Variants in WWP2 observed in about 807,000 individuals in gnomAD.
WWP2 encodes NEDD4-like E3 ubiquitin-protein ligase WWP2.
WWP2 carries 57 observed loss-of-function variants against 121.0 expected under a neutral mutation model. The ratio of observed to expected loss-of-function variants is 0.47; its 90% confidence interval spans 0.38 to 0.59. The LOEUF (loss-of-function observed/expected upper bound fraction) is 0.59. WWP2 is among the 20% of genes least tolerant of loss of function. WWP2 has a pLI of 0.00. For missense variants in WWP2, 962 were observed against 1,158.9 expected, an observed-to-expected ratio of 0.83 and a Z score of 2.47; for synonymous variants, 449 against 441.3, an observed-to-expected ratio of 1.02 and a Z score of -0.22.
chr16:69,873,458 G>T (rs1462217511), intron 7 of WWP2, among the ~76,000 whole-genome samples: 4 of 152,218 alleles, frequency 2.6e-5, no homozygotes, highest in Non-Finnish European at 4.4e-5. Context: ...CCTGAGCCTT[G>T]GGGAAGAGGA....
At chr16:69,938,956 G>A (rs2058838685) in intron 21 of WWP2, 71 bp from the exon 22 acceptor site, 3 of 1,431,756 alleles carry the variant, frequency 2.1e-6, no homozygotes, top group Non-Finnish European at 2.9e-6. Context: ...CTGAGCTAGA[G>A]AGCTCCACGT....
intron 4 of WWP2, among the ~76,000 whole-genome samples, chr16:69,805,313 G>A (rs957891539): frequency 1.3e-5 from 2 of 152,076 alleles, no homozygotes; most frequent in African/African-American, 4.8e-5. Context: ...TGGGATTACA[G>A]ACGTGAGTCA....
chr16:69,808,663 A>G (rs1191124974), intron 4 of WWP2, among the ~76,000 whole-genome samples: 1 of 152,168 alleles, frequency 6.6e-6, no homozygotes, highest in Non-Finnish European at 1.5e-5. Flanking sequence ...CGGCCTCCCA[A>G]AGTGTTGGGA....
chr16:69,799,053 G>A lies in WWP2; in HGVS notation c.219-121G>A. ...AGCTTTGAGAGGGGAAAGGATATAT[G>A]TGGGTGTCTGCCTGTTTTGGTTCCC... On this transcript the variant is annotated intron_variant, in intron 3 of 23. Transcript: ENST00000359154. The surrounding 1 kb of genome is among the most constrained non-coding windows in gnomAD (Gnocchi z 4.5). The A allele has an allele frequency of 6.9e-7, 1 of 1,450,302 alleles. No homozygotes were observed. The highest frequency in any genetic ancestry group is 9.3e-7 in the Non-Finnish European group (1 of 1,071,598). 89.8% of individuals were successfully genotyped at this position (1,450,302 alleles called of 1,614,324 possible).
Position 69,800,071 on chromosome 16 carries a change from C to T in WWP2, c.340+776C>T, listed in dbSNP as rs1339436122. On this transcript the variant is annotated intron_variant, in intron 4 of 23. Coordinates refer to ENST00000359154, the MANE Select transcript of WWP2 (RefSeq NM_001270454.2). ...AGAGAGGTGGGGGCGGGGAGAGTTG[C>T]GTCCCAGCGAGCGTGTTACATGATT... 2.6e-5 allele frequency among the ~76,000 whole-genome samples: 4 copies of T among 152,134 alleles called. No homozygotes were observed. In the South Asian group the frequency reaches 6.2e-4, roughly 24 times the overall value.
At chr16:69,866,936 C>T (rs1490218183) in intron 6 of WWP2, among the ~76,000 whole-genome samples, 1 of 151,988 alleles carries the variant, frequency 6.6e-6, no homozygotes, top group Admixed American at 6.6e-5. Context: ...CTCCTGGATT[C>T]GAGTGATTCT....
chr16:69,923,763 G>A (rs1005645990), intron 10 of WWP2, among the ~76,000 whole-genome samples: 1 of 152,200 alleles, frequency 6.6e-6, no homozygotes, highest in African/African-American at 2.4e-5. Context: ...CACTTACCCA[G>A]TGCCTCTGGC....
chr16:69,848,339 A>G (rs541370829), intron 6 of WWP2, among the ~76,000 whole-genome samples: 16 of 152,136 alleles, frequency 1.1e-4, no homozygotes, highest in Non-Finnish European at 2.4e-4. Flanking sequence ...AATCCCGGCT[A>G]CGTGGGGAGC....
intron 6 of WWP2, among the ~76,000 whole-genome samples, chr16:69,869,088 A>G (rs953378293): frequency 1.3e-5 from 2 of 152,142 alleles, no homozygotes; most frequent in Non-Finnish European, 2.9e-5. Context: ...GGGTTTCGCC[A>G]TGTTGGCCAG....
chr16:69,927,287 G>A (rs2058653544), intron 11 of WWP2, among the ~76,000 whole-genome samples: 1 of 152,046 alleles, frequency 6.6e-6, no homozygotes, highest in Non-Finnish European at 1.5e-5. Flanking sequence ...CAGACCAAGT[G>A]AGAGTGATCG....
chr16:69,815,508 G>A (rs1364559717), intron 4 of WWP2, among the ~76,000 whole-genome samples: 1 of 151,658 alleles, frequency 6.6e-6, no homozygotes, highest in African/African-American at 2.4e-5. Context: ...AAGGAGAGGG[G>A]CAGGGGCTGG....
chr16:69,896,991 A>G (rs2058115219), intron 8 of WWP2, among the ~76,000 whole-genome samples: 1 of 152,148 alleles, frequency 6.6e-6, no homozygotes, highest in Non-Finnish European at 1.5e-5. Context: ...TTTTTATTGT[A>G]AAATATTGTA....
In WWP2 at chr16:69,941,459, C is replaced by T. The variant is rs2058879731; in HGVS notation, c.*1519C>T. 6.5e-6 allele frequency: 1 copy of T among 153,848 alleles called. No individual in the cohort carries two copies. Among genetic ancestry groups the T allele is most frequent in the Admixed American group, 6.5e-5 (1 of 15,284 alleles). 9.5% of individuals were successfully genotyped at this position (153,848 alleles called of 1,614,324 possible). A position where few individuals can be genotyped will look rare whatever the true frequency, so the allele number is the denominator to read the frequency against. ...GTGGCTTAGCTTGCCACAGCGCAGC[C>T]TCTTCTGTCCCTTTCAGTCATTTGC... On this transcript the variant is annotated 3_prime_UTR_variant, in exon 24 of 24. Coordinates refer to ENST00000359154, the MANE Select transcript of WWP2 (RefSeq NM_001270454.2).
At chr16:69,857,517 G>C (rs1415307032) in intron 6 of WWP2, among the ~76,000 whole-genome samples, 1 of 152,176 alleles carries the variant, frequency 6.6e-6, no homozygotes, top group Non-Finnish European at 1.5e-5. Context: ...GTGGTGTGAA[G>C]AGAGCAAGAG....
intron 4 of WWP2, among the ~76,000 whole-genome samples, chr16:69,816,911 A>T (rs183889238): frequency 6.6e-6 from 1 of 152,178 alleles, no homozygotes; most frequent in South Asian, 2.1e-4. Flanking sequence ...GAGAGATGCT[A>T]TGTAACTTGT....
chr16:69,768,069 T>C (rs2151764847), intron 1 of WWP2, among the ~76,000 whole-genome samples: 1 of 152,224 alleles, frequency 6.6e-6, no homozygotes, highest in South Asian at 2.1e-4. Context: ...AACTCCGGGC[T>C]CAAGTGATCC....
In WWP2 at chr16:69,789,437, G is replaced by A. The variant is rs191141644; in HGVS notation, c.70+2357G>A. On this transcript the variant is annotated intron_variant, in intron 2 of 23. Coordinates refer to ENST00000359154, the MANE Select transcript of WWP2 (RefSeq NM_001270454.2). ...TAGAGATGGGGTTTCACCATATTGG[G>A]CAGGCTGGCTTCAAACTCATGACCT... Among the ~76,000 whole-genome samples the A allele has an allele frequency of 2.5e-3, 377 of 152,164 alleles. 2 individuals are homozygous for A. Among genetic ancestry groups the A allele is most frequent in the Non-Finnish European group, 3.9e-3 (262 of 67,982 alleles).
At chr16:69,810,098 C>G (rs2056359568) in intron 4 of WWP2, among the ~76,000 whole-genome samples, 1 of 152,182 alleles carries the variant, frequency 6.6e-6, no homozygotes, top group Admixed American at 6.5e-5. Flanking sequence ...GCGATGGTTG[C>G]CCTAACTGAC....
chr16:69,893,545 G>T (rs1261061149), intron 8 of WWP2, among the ~76,000 whole-genome samples: 1 of 151,598 alleles, frequency 6.6e-6, no homozygotes, highest in Non-Finnish European at 1.5e-5. Flanking sequence ...TCATAGTTCA[G>T]AATGCTGTTT....
Sources: gnomAD v4.1 joint callset for allele counts (sites outside exome capture counted in the v4.1 genomes callset) on GRCh38, gnomAD v4.1.1 for gene constraint, Gnocchi (gnomAD v3.1) non-coding constraint, MANE v1.5 for transcripts, NCBI Gene and HGNC (gene_info 2026-07-23, HGNC 2026-07-21) for gene names.